DMD: variants seen among roughly 807,000 people sequenced by gnomAD.
DMD encodes mutant dystrophin.
Under a neutral mutation model 330.1 loss-of-function variants are expected in DMD, and 63 were observed. The ratio of observed to expected loss-of-function variants is 0.19; its 90% CI spans 0.16 to 0.24. The LOEUF (loss-of-function observed/expected upper bound fraction) is 0.24, where lower values mean the gene tolerates loss of function less well. Among genes scored for constraint, DMD ranks in the 10% least tolerant of loss-of-function variants. DMD has a pLI of 1.00. For synonymous variants in DMD, 1,223 were observed against 959.8 expected (o/e 1.27, Z -5.07); for missense variants, 3,344 against 2,684.1 (o/e 1.25, Z -5.43).
chrX:31,805,111 A>G (rs766399169), intron 50 of DMD, among the ~76,000 whole-genome samples: 222 of 111,946 alleles, frequency 2.0e-3, no homozygotes, highest in Non-Finnish European at 3.2e-3. Flanking sequence ...AAGGATACAA[A>G]TGAGTAACCT....
intron 43 of DMD, among the ~76,000 whole-genome samples, chrX:32,256,323 T>TTA (rs1569554162): frequency 2.8e-5 from 3 of 105,859 alleles, no homozygotes; most frequent in Non-Finnish European, 5.8e-5. Context: ...TTTTTTTTTT[T>TTA]ATTTTTTTTA....
chrX:33,104,867 T>C (rs1171120938), intron 1 of DMD, among the ~76,000 whole-genome samples: 2 of 112,360 alleles, frequency 1.8e-5, no homozygotes, highest in African/African-American at 6.5e-5. Context: ...ATGTGAAAAC[T>C]CTCATTAGGC....
intron 11 of DMD, among the ~76,000 whole-genome samples, chrX:32,643,435 T>G (rs191882100): frequency 9.0e-6 from 1 of 110,698 alleles, no homozygotes; most frequent in East Asian, 2.8e-4. Flanking sequence ...AAATCCACAG[T>G]TGGCACTTCA....
At chrX:33,181,710 C>T (rs1256517384) in intron 1 of DMD, among the ~76,000 whole-genome samples, 1 of 111,806 alleles carries the variant, frequency 8.9e-6, no homozygotes, top group Non-Finnish European at 1.9e-5. Context: ...TTATTAGCTG[C>T]GGAGCTATTG....
At chrX:31,455,035 A>G (rs1173456483) in intron 59 of DMD, among the ~76,000 whole-genome samples, 1 of 95,157 alleles carries the variant, frequency 1.1e-5, no homozygotes, top group African/African-American at 4.0e-5. Context: ...TGATCCTCCC[A>G]CTTCGGCCTC....
chrX:32,391,662 T>C (rs772644002), intron 30 of DMD, among the ~76,000 whole-genome samples: 43 of 112,079 alleles, frequency 3.8e-4, no homozygotes, highest in East Asian at 1.4e-3. Flanking sequence ...AATATTGATA[T>C]GTTTCGTGAA....
intron 7 of DMD, among the ~76,000 whole-genome samples, chrX:32,715,083 G>A (rs912246004): frequency 9.0e-6 from 1 of 111,197 alleles, no homozygotes; most frequent in African/African-American, 3.3e-5. Context: ...TATAGACTTT[G>A]ACCTACATCT....
chrX:31,562,131 A>C (rs980403953), intron 55 of DMD, among the ~76,000 whole-genome samples: 2 of 112,304 alleles, frequency 1.8e-5, no homozygotes, highest in Non-Finnish European at 3.8e-5. Flanking sequence ...CTTTCAGGAC[A>C]GTAGACACAG....
chrX:32,521,895 G>A (rs2046461514), intron 17 of DMD, among the ~76,000 whole-genome samples: 1 of 111,758 alleles, frequency 8.9e-6, no homozygotes, highest in African/African-American at 3.3e-5. Flanking sequence ...AGAGGGTAGA[G>A]CCCTCATGAA....
At chrX:32,926,514 C>T (rs760589313) in intron 2 of DMD, among the ~76,000 whole-genome samples, 1 of 111,019 alleles carries the variant, frequency 9.0e-6, no homozygotes, top group Admixed American at 9.6e-5. Flanking sequence ...CTTTGGGAGG[C>T]GGAAGCGGGC....
chrX:31,136,135 C>G (rs2035195123), intron 76 of DMD, among the ~76,000 whole-genome samples: 1 of 110,751 alleles, frequency 9.0e-6, no homozygotes, highest in Non-Finnish European at 1.9e-5. Flanking sequence ...AGATAAAAAG[C>G]CTCAGACTAC....
chrX:32,019,078 A>G (rs1256414048), intron 44 of DMD, among the ~76,000 whole-genome samples: 1 of 110,591 alleles, frequency 9.0e-6, no homozygotes, highest in Non-Finnish European at 1.9e-5. Context: ...TGTTTTTCAA[A>G]GACATCATCA....
At chrX:32,591,295 A>G (rs1476670699) in intron 13 of DMD, among the ~76,000 whole-genome samples, 3 of 112,194 alleles carry the variant, frequency 2.7e-5, no homozygotes, top group Admixed American at 9.5e-5. Context: ...GACCTTCAAT[A>G]CATCTATAGT....
intron 60 of DMD, among the ~76,000 whole-genome samples, chrX:31,369,611 C>G (rs1385898909): frequency 9.0e-6 from 1 of 111,110 alleles, no homozygotes; most frequent in Non-Finnish European, 1.9e-5. Context: ...TGGATTGGGA[C>G]AAAAGGAGGA....
chrX:32,074,268 G>A (rs1317476225), intron 44 of DMD, among the ~76,000 whole-genome samples: 2 of 111,295 alleles, frequency 1.8e-5, no homozygotes, highest in South Asian at 3.7e-4. Flanking sequence ...AAATTTCCCC[G>A]AACCCTAGTG....
intron 17 of DMD, among the ~76,000 whole-genome samples, chrX:32,525,817 G>A (rs1448132891): frequency 1.8e-5 from 2 of 111,471 alleles, no homozygotes; most frequent in Non-Finnish European, 3.8e-5. Context: ...ATTTAATTAC[G>A]AACGAAATAT....
chrX:31,410,664 T>C (rs1428491303), intron 60 of DMD, among the ~76,000 whole-genome samples: 1 of 109,932 alleles, frequency 9.1e-6, no homozygotes, highest in African/African-American at 3.3e-5. Flanking sequence ...TTTCTGATTT[T>C]GACCTACATT....
chrX:32,887,127 C>A (rs1191936414), intron 2 of DMD, among the ~76,000 whole-genome samples: 2 of 111,038 alleles, frequency 1.8e-5, no homozygotes, highest in East Asian at 5.7e-4. Flanking sequence ...GCGGGCAGAT[C>A]ACGAGGTCAG....
chrX:31,771,807 A>G (rs1048040215), intron 51 of DMD, among the ~76,000 whole-genome samples: 4 of 111,565 alleles, frequency 3.6e-5, no homozygotes, highest in Non-Finnish European at 7.5e-5. Context: ...GGCCCTCTAC[A>G]TTAGTTTTTG....
Sources: gnomAD v4.1 joint callset for allele counts (sites outside exome capture counted in the v4.1 genomes callset) on GRCh38, gnomAD v4.1.1 for gene constraint, MANE v1.5 for transcripts, NCBI Gene and HGNC (gene_info 2026-07-23, HGNC 2026-07-21) for gene names.